The following ADGRV1 variants were observed in gnomAD, a reference collection of about 807,000 sequenced individuals.
ADGRV1 encodes G-protein coupled receptor 98.
A neutral mutation model predicts 596.2 loss-of-function variants in ADGRV1; 359 were observed. That is an observed-to-expected ratio of 0.60 (90% CI 0.55 to 0.66). The LOEUF (loss-of-function observed/expected upper bound fraction) is 0.66. Ranked by LOEUF, ADGRV1 falls within the 30% of genes least tolerant of loss-of-function variation. The pLI is 0.00. For synonymous variants in ADGRV1, 2,681 were observed against 2,679.2 expected, an observed-to-expected ratio of 1.00 and a Z score of -0.02; for missense variants, 7,274 against 7,575.6, an observed-to-expected ratio of 0.96 and a Z score of 1.48.
chr5:91,046,593 A>G (rs913514164), intron 85 of ADGRV1, among the ~76,000 whole-genome samples: 1 of 152,176 alleles, frequency 6.6e-6, no homozygotes, highest in African/African-American at 2.4e-5. Flanking sequence ...AACCCCTTCT[A>G]CGCATTGGCT....
intron 1 of ADGRV1, among the ~76,000 whole-genome samples, chr5:90,577,930 A>G (rs1207807458): frequency 6.6e-6 from 1 of 152,106 alleles, no homozygotes; most frequent in African/African-American, 2.4e-5. Context: ...TTATTGGTGT[A>G]TGGAATGCTT....
At chr5:90,872,423 T>TTGTGTGTGTGTGTGTGTGTG (rs55743704) in intron 83 of ADGRV1, among the ~76,000 whole-genome samples, 102 of 147,438 alleles carry the variant, frequency 6.9e-4, no homozygotes, top group Non-Finnish European at 1.3e-3. Flanking sequence ...TGGTATGAGC[T>TTGTGTGTGTGTGTGTGTGTG]TGTGTGTGTG....
intron 10 of ADGRV1, among the ~76,000 whole-genome samples, chr5:90,635,577 G>A (rs1056077821): frequency 2.6e-5 from 4 of 151,158 alleles, no homozygotes; most frequent in Non-Finnish European, 5.9e-5. Context: ...TACTACAGTG[G>A]TAGCCAAACA....
intron 83 of ADGRV1, among the ~76,000 whole-genome samples, chr5:90,954,565 A>G (rs1422207982): frequency 6.6e-6 from 1 of 152,182 alleles, no homozygotes; most frequent in African/African-American, 2.4e-5. Context: ...TGCTCAAATT[A>G]TGACTATGAT....
At chr5:90,713,560 C>T (rs1271454948) in intron 42 of ADGRV1, among the ~76,000 whole-genome samples, 4 of 152,172 alleles carry the variant, frequency 2.6e-5, no homozygotes, top group Admixed American at 2.0e-4. Context: ...GAGGATACAG[C>T]GACATACACC....
intron 85 of ADGRV1, among the ~76,000 whole-genome samples, chr5:90,992,528 C>A (rs1027754833): frequency 6.6e-6 from 1 of 152,248 alleles, no homozygotes; most frequent in Non-Finnish European, 1.5e-5. Context: ...TTCATCCAAT[C>A]TCCGTGTAGT....
intron 83 of ADGRV1, among the ~76,000 whole-genome samples, chr5:90,906,745 T>C (rs1367644688): frequency 6.6e-6 from 1 of 152,152 alleles, no homozygotes; most frequent in East Asian, 1.9e-4. Context: ...TGCTGCTCTC[T>C]TCTTTATTAT....
At chr5:90,612,980 G>C (rs906476573) in intron 1 of ADGRV1, among the ~76,000 whole-genome samples, 6 of 152,064 alleles carry the variant, frequency 3.9e-5, no homozygotes, top group Admixed American at 1.3e-4. Flanking sequence ...TAGACTCACT[G>C]AATCAGAATT....
chr5:90,907,135 A>G (rs1457302247), intron 83 of ADGRV1, among the ~76,000 whole-genome samples: 1 of 152,214 alleles, frequency 6.6e-6, no homozygotes, highest in Non-Finnish European at 1.5e-5. Context: ...TGAATACATT[A>G]CATGGTGGCA....
At chr5:90,570,765 G>GTT (rs573716673) in intron 1 of ADGRV1, among the ~76,000 whole-genome samples, 5 of 139,248 alleles carry the variant, frequency 3.6e-5, no homozygotes, top group Admixed American at 1.4e-4. Flanking sequence ...CCAGATTTCT[G>GTT]TTTTTTTTTT....
At chr5:90,740,558 C>T (rs762299265) in intron 50 of ADGRV1, among the ~76,000 whole-genome samples, 2 of 152,178 alleles carry the variant, frequency 1.3e-5, no homozygotes, top group African/African-American at 2.4e-5. Flanking sequence ...GTGCCTCATT[C>T]AGAGCAATGC....
chr5:90,853,558 T>A, intron 80 of ADGRV1, 25 bp downstream of exon 80: 2 of 1,594,840 alleles, frequency 1.3e-6, no homozygotes, highest in Non-Finnish European at 8.6e-7. Context: ...AAAACACTTA[T>A]GTGGTTGGAA....
chr5:91,145,329 G>A (rs4458614), intron 87 of ADGRV1, among the ~76,000 whole-genome samples: 94,707 of 152,182 alleles, frequency 0.62, 32,605 homozygotes, highest in Non-Finnish European at 0.76. Context: ...CCTCAGAGAT[G>A]GATTTTAAAG....
intron 89 of ADGRV1, among the ~76,000 whole-genome samples, chr5:91,163,234 C>T (rs1379337962): frequency 6.6e-6 from 1 of 151,202 alleles, no homozygotes; most frequent in African/African-American, 2.4e-5. Flanking sequence ...CACTGTGTTA[C>T]GTAATTATTT....
At chr5:91,137,785 A>C (rs1359121631) in intron 87 of ADGRV1, among the ~76,000 whole-genome samples, 1 of 152,208 alleles carries the variant, frequency 6.6e-6, no homozygotes, top group Non-Finnish European at 1.5e-5. Flanking sequence ...TGGAGGCAAG[A>C]CCAAGCCTGT....
At chr5:90,849,442 T>C (rs1338985080) in intron 79 of ADGRV1, among the ~76,000 whole-genome samples, 2 of 152,158 alleles carry the variant, frequency 1.3e-5, no homozygotes, top group South Asian at 2.1e-4. Context: ...CAGGCTGGAG[T>C]GCAATGGCGG....
At chr5:91,055,784 G>A (rs1414638104) in intron 85 of ADGRV1, among the ~76,000 whole-genome samples, 2 of 152,196 alleles carry the variant, frequency 1.3e-5, no homozygotes, top group Non-Finnish European at 2.9e-5. Context: ...GTGACAACAG[G>A]CAACAGAATC....
At chr5:90,831,266 T>C (rs1385103306) in intron 77 of ADGRV1, among the ~76,000 whole-genome samples, 1 of 150,034 alleles carries the variant, frequency 6.7e-6, no homozygotes, top group Non-Finnish European at 1.5e-5. Context: ...CACATACGTA[T>C]ATATACATAT....
At chr5:90,927,496 C>T (rs1371828274) in intron 83 of ADGRV1, among the ~76,000 whole-genome samples, 1 of 152,178 alleles carries the variant, frequency 6.6e-6, no homozygotes, top group Non-Finnish European at 1.5e-5. Context: ...AGTAGATCTT[C>T]CTCCATCCTT....
Sources: allele counts gnomAD v4.1 joint callset (sites outside exome capture counted in the v4.1 genomes callset), GRCh38; gene constraint gnomAD v4.1.1; transcripts MANE v1.5; gene names NCBI Gene and HGNC (gene_info 2026-07-23, HGNC 2026-07-21).